MYO5A: variants seen among roughly 807,000 people sequenced by gnomAD.
MYO5A encodes the protein unconventional myosin-Va.
MYO5A carries 98 observed loss-of-function variants against 249.7 expected under a neutral mutation model. The ratio of observed to expected loss-of-function variants is 0.39; its 90% CI spans 0.33 to 0.46. The LOEUF (loss-of-function observed/expected upper bound fraction) is 0.46. MYO5A is among the 20% of genes least tolerant of loss of function. The pLI, the probability that MYO5A is intolerant of heterozygous loss-of-function variation, is 0.98. For synonymous variants in MYO5A, 778 were observed against 810.6 expected (o/e 0.96, Z 0.68); for missense variants, 1,696 against 2,308.8 (o/e 0.73, Z 5.44).
chr15:52,334,136 T>C (rs2039011866), intron 34 of MYO5A, among the ~76,000 whole-genome samples: 1 of 152,250 alleles, frequency 6.6e-6, no homozygotes, highest in Non-Finnish European at 1.5e-5. Flanking sequence ...TGATTGACAA[T>C]GGCTTAAGAT....
At chr15:52,375,225 C>T (rs1374833346) in intron 20 of MYO5A, 79 bp downstream of exon 20, 1 of 1,425,616 alleles carries the variant, frequency 7.0e-7, no homozygotes, top group Non-Finnish European at 9.9e-7. Context: ...TCATTGTAGC[C>T]CCTGTGGTAC....
chr15:52,490,110 CT>C, intron 1 of MYO5A, among the ~76,000 whole-genome samples: 1 of 152,258 alleles, frequency 6.6e-6, no homozygotes, highest in East Asian at 1.9e-4. Context: ...CGATTGTGCC[CT>C]GGAGAAATTA....
chr15:52,495,581 T>A (rs936905238), intron 1 of MYO5A, among the ~76,000 whole-genome samples: 1 of 152,204 alleles, frequency 6.6e-6, no homozygotes, highest in South Asian at 2.1e-4. Context: ...GTAATGCATA[T>A]GTTAAACAGC....
chr15:52,354,838 A>G lies in MYO5A; in HGVS notation c.3424-824T>C, dbSNP rs186029014. On this transcript the variant is annotated intron_variant, in intron 25 of 41. Transcript: ENST00000399233. ...CACTGCACTCCAGCTGGGGCAGCAG[A>G]GTGAGACTCCATCTCACAAAAAAAA... Among the ~76,000 whole-genome samples, 716 of 150,214 alleles carry G rather than the reference A, an allele frequency of 4.8e-3. 35 individuals carry two copies. The highest frequency in any genetic ancestry group is 0.044 in the Admixed American group (654 of 14,872).
intron 4 of MYO5A, among the ~76,000 whole-genome samples, chr15:52,422,430 T>G (rs1014834359): frequency 6.6e-6 from 1 of 152,118 alleles, no homozygotes; most frequent in African/African-American, 2.4e-5. Flanking sequence ...CACAACCTGC[T>G]CTTCCTGCCA....
At chr15:52,489,441 G>A (rs1761879692) in intron 1 of MYO5A, among the ~76,000 whole-genome samples, 1 of 152,016 alleles carries the variant, frequency 6.6e-6, no homozygotes, top group Non-Finnish European at 1.5e-5. Context: ...GCACGCACCT[G>A]TAGTCCCAGC....
chr15:52,356,772 G>A (rs1362785510), intron 25 of MYO5A, among the ~76,000 whole-genome samples: 7 of 124,960 alleles, frequency 5.6e-5, no homozygotes, highest in Admixed American at 3.6e-4. Flanking sequence ...GTGGCACTTC[G>A]CTGTTGATTT....
At chr15:52,506,315 C>T (rs2077270370) in intron 1 of MYO5A, among the ~76,000 whole-genome samples, 1 of 152,024 alleles carries the variant, frequency 6.6e-6, no homozygotes, top group African/African-American at 2.4e-5. Context: ...TGCGCCGCTG[C>T]ACTCCAGCCT....
At chr15:52,475,691 T>A (rs1223472064) in intron 1 of MYO5A, among the ~76,000 whole-genome samples, 8 of 152,164 alleles carry the variant, frequency 5.3e-5, no homozygotes, top group African/African-American at 1.4e-4. Context: ...CATGTAGTTG[T>A]GTGGTTTTGA....
intron 1 of MYO5A, among the ~76,000 whole-genome samples, chr15:52,457,574 C>T (rs567966360): frequency 1.3e-5 from 2 of 152,200 alleles, no homozygotes; most frequent in African/African-American, 2.4e-5. Context: ...ATCTCACTCC[C>T]GTTAGAATGA....
At chr15:52,460,057 G>A (rs1288423833) in intron 1 of MYO5A, among the ~76,000 whole-genome samples, 1 of 151,400 alleles carries the variant, frequency 6.6e-6, no homozygotes. Context: ...CGGGGCGGCG[G>A]GGCAGAGGCG....
At chr15:52,477,241 A>G (rs956153162) in intron 1 of MYO5A, among the ~76,000 whole-genome samples, 17 of 152,186 alleles carry the variant, frequency 1.1e-4, no homozygotes, top group African/African-American at 3.4e-4. Context: ...TTTCAGCTCC[A>G]TCAGGTAATT....
At position 52,337,710 on chromosome 15, in the gene MYO5A, G is replaced by A. The variant is rs1454976144; in HGVS notation, c.4314+100C>T. On this transcript the variant is annotated intron_variant, in intron 33 of 41. Transcript: ENST00000399233. ...AAACAGGTTTCGTGAAAATTTTGAA[G>A]AGACTTCCTGGGAGGGGGCAGGCAG... 12 of 849,552 alleles carry A rather than the reference G, an allele frequency of 1.4e-5. No homozygotes were observed. The Middle Eastern group carries it at 1.4e-3, about 97-fold the overall frequency. The allele number at this position is 849,552 out of a possible 1,614,324, so 52.6% of individuals were successfully genotyped here.
Position 52,359,472 on chromosome 15 carries a change from A to C in MYO5A, c.3423+496T>G, listed in dbSNP as rs182203277. ...TCCATGCATTTTGTAGAAGAAAGTTACATTGGTAAAAACTGGCATAAAATA... is the reference window on the plus strand; with the variant it reads ...TCCATGCATTTTGTAGAAGAAAGTTCCATTGGTAAAAACTGGCATAAAATA... On this transcript the variant is annotated intron_variant, in intron 25 of 41. Coordinates refer to ENST00000399233, the MANE Select transcript of MYO5A (RefSeq NM_001382347.1). Among the ~76,000 whole-genome samples, 349 of 152,302 alleles carry C rather than the reference A, an allele frequency of 2.3e-3. 1 individual carries two copies. Among genetic ancestry groups the C allele is most frequent in the African/African-American group, 8.3e-3 (343 of 41,532 alleles).
In MYO5A at chr15:52,467,765, C is replaced by T. The variant is rs908265026; in HGVS notation, c.28-34480G>A. 4.6e-5 allele frequency among the ~76,000 whole-genome samples: 7 copies of T among 152,056 alleles called. No homozygotes were observed. The East Asian group carries it at 5.8e-4, about 13-fold the overall frequency. On this transcript the variant is annotated intron_variant, in intron 1 of 41. Transcript: ENST00000399233. Reference sequence around the variant, plus strand: ...AAAGTGAAGGAAAAAAATTTTAAATCGGCAAGAGAAAAGCACACTTAGTTG... The same window carrying T: ...AAAGTGAAGGAAAAAAATTTTAAATTGGCAAGAGAAAAGCACACTTAGTTG...
rs1555385848 is a variant in MYO5A, at chr15:52,500,179, G to GC, written c.27+28600_27+28601insG. 2.6e-5 allele frequency among the ~76,000 whole-genome samples: 4 copies of GC among 151,914 alleles called. No homozygotes were observed. In the East Asian group the frequency reaches 5.8e-4, roughly 22 times the overall value. ...TTTCTCCACATCCTCTTCAACATTT[G>GC]TATTTTTTTGTTTTTGTTTTGTGTG... On this transcript the variant is annotated intron_variant, in intron 1 of 41. Transcript: ENST00000399233.
chr15:52,495,688 T>C (rs1453363210), intron 1 of MYO5A, among the ~76,000 whole-genome samples: 1 of 152,142 alleles, frequency 6.6e-6, no homozygotes, highest in Non-Finnish European at 1.5e-5. Flanking sequence ...AATAAGTAAA[T>C]AGATAGATAA....
At chr15:52,510,446 A>C (rs1317641400) in intron 1 of MYO5A, among the ~76,000 whole-genome samples, 1 of 152,158 alleles carries the variant, frequency 6.6e-6, no homozygotes, top group Non-Finnish European at 1.5e-5. Flanking sequence ...AATATTAAGA[A>C]TCTAGGTCAA....
At chr15:52,491,118 T>A (rs4774626) in intron 1 of MYO5A, among the ~76,000 whole-genome samples, 22,662 of 152,188 alleles carry the variant, frequency 0.15, 1,807 homozygotes, top group Middle Eastern at 0.22. Flanking sequence ...TACAATTTAA[T>A]TTTTTTAAAT....
Sources: gnomAD v4.1 joint callset for allele counts (sites outside exome capture counted in the v4.1 genomes callset) on GRCh38, gnomAD v4.1.1 for gene constraint, MANE v1.5 for transcripts, NCBI Gene and HGNC (gene_info 2026-07-23, HGNC 2026-07-21) for gene names.